The following MAST2 variants were observed in gnomAD, a reference collection of about 807,000 sequenced individuals.
MAST2 encodes the protein microtubule associated serine/threonine kinase 2.
In MAST2, 70 loss-of-function variants were observed where a neutral mutation model predicts 147.4. The observed-to-expected ratio is 0.47, with a 90% CI of 0.39 to 0.58. The LOEUF is 0.58. Among genes scored for constraint, MAST2 ranks in the 20% least tolerant of loss-of-function variants. The pLI is 0.00. For missense variants in MAST2, 2,080 were observed against 2,302.3 expected, an observed-to-expected ratio of 0.90 and a Z score of 1.98; for synonymous variants, 869 against 896.8, an observed-to-expected ratio of 0.97 and a Z score of 0.55.
In MAST2 at chr1:45,875,720, G is replaced by C. The variant is rs556546149; in HGVS notation, c.469-6644G>C. ...TAATGGATGTAGAGAGTGAGAGAAA[G>C]TGAAAAATGAAGAATGACCCTGGGT... is the stretch of plus-strand genomic sequence containing the variant. On this transcript the variant is annotated intron_variant, in intron 3 of 28. Transcript: ENST00000361297. 2.6e-5 allele frequency among the ~76,000 whole-genome samples: 4 copies of C among 152,146 alleles called. No homozygotes were observed. The South Asian group carries it at 8.3e-4, about 32-fold the overall frequency.
At chr1:46,021,806 T>G in intron 11 of MAST2, 144 bp from the exon 12 acceptor site, 2 of 762,256 alleles carry the variant, frequency 2.6e-6, no homozygotes, top group Admixed American at 2.3e-5. Context: ...CTGAATCATG[T>G]TGTTTCTGAA....
intron 12 of MAST2, among the ~76,000 whole-genome samples, chr1:46,022,303 T>C (rs1007340524): frequency 9.9e-5 from 15 of 152,224 alleles, no homozygotes; most frequent in Admixed American, 2.6e-4. Context: ...CTGGATTGCA[T>C]TGGCCCGGCT....
At chr1:45,905,891 G>A (rs1276512780) in intron 4 of MAST2, among the ~76,000 whole-genome samples, 1 of 152,044 alleles carries the variant, frequency 6.6e-6, no homozygotes, top group Non-Finnish European at 1.5e-5. Context: ...TTTCCAAAAT[G>A]TTTATACTGT....
intron 5 of MAST2, among the ~76,000 whole-genome samples, chr1:45,984,279 AG>A (rs983679340): frequency 9.9e-5 from 15 of 151,566 alleles, no homozygotes; most frequent in African/African-American, 3.6e-4. Context: ...TGTCTTTGTG[AG>A]GTTTATTTTA....
chr1:45,967,439 A>C (rs545327785), intron 5 of MAST2, among the ~76,000 whole-genome samples: 67 of 152,324 alleles, frequency 4.4e-4, no homozygotes, highest in Admixed American at 4.4e-3. Context: ...AGCCTTACTG[A>C]TAACATAGTT....
chr1:45,933,456 C>G (rs1161378759), intron 4 of MAST2, among the ~76,000 whole-genome samples: 1 of 151,926 alleles, frequency 6.6e-6, no homozygotes, highest in African/African-American at 2.4e-5. Flanking sequence ...AGTGAGAACT[C>G]TGGCCGGGCA....
chr1:45,933,725 G>A (rs998133820), intron 4 of MAST2, among the ~76,000 whole-genome samples: 7 of 151,912 alleles, frequency 4.6e-5, no homozygotes, highest in Admixed American at 4.6e-4. Flanking sequence ...TTGCACTCTA[G>A]CCTGGGCAAC....
rs576470499 is a variant in MAST2 at position 46,020,100 on chromosome 1, G to A, written c.1290+403G>A. ...TGAATAAAGCACAGTCTCTGATCTT[G>A]GGATGTTTCCTCTACAGTGGAGTTG... On this transcript the variant is annotated intron_variant, in intron 11 of 28. Coordinates refer to ENST00000361297, the MANE Select transcript of MAST2 (RefSeq NM_015112.3). Among the ~76,000 whole-genome samples, 3 of 152,304 alleles carry A rather than the reference G, an allele frequency of 2.0e-5. No individual in the cohort carries two copies. In the East Asian group the frequency reaches 5.8e-4, roughly 29 times the overall value.
At chr1:45,847,386 A>T in intron 3 of MAST2, 1 of 521,708 alleles carries the variant, frequency 1.9e-6, no homozygotes, top group Non-Finnish European at 3.7e-6. Flanking sequence ...GTTAGTTCAC[A>T]AGCATCTTTG....
In MAST2 at chr1:46,030,640, G is replaced by A. The variant is rs559530509; in HGVS notation, c.2587G>A (p.Glu863Lys). The A allele has an allele frequency of 2.5e-5, 40 of 1,611,494 alleles. No individual in the cohort carries two copies. The highest frequency in any genetic ancestry group is 8.4e-5 in the Admixed American group (5 of 59,606). Reference protein sequence around the residue: ...YSSMERLSLLEERRTPPPTKR... With the variant: ...YSSMERLSLLKERRTPPPTKR... Reference sequence around the variant, plus strand: ...CAGCATGGAGCGGCTCTCACTGCTCGAGGAGCGCCGGACACCACCCCCGAC... The same window carrying A: ...CAGCATGGAGCGGCTCTCACTGCTCAAGGAGCGCCGGACACCACCCCCGAC... The change falls in exon 22 of 29, where the codon GAG (glutamate) becomes AAG (lysine). Residue 863 changes from glutamate (E) to lysine (K), a missense_variant. Glu to Lys is a moderately conservative substitution (Grantham distance 56). Transcript: ENST00000361297.
intron 1 of MAST2, among the ~76,000 whole-genome samples, chr1:45,808,315 C>T (rs1644198818): frequency 1.3e-5 from 2 of 152,144 alleles, no homozygotes; most frequent in South Asian, 4.1e-4. Flanking sequence ...ATTGTAACCT[C>T]TGCCTCCCAG....
chr1:45,961,197 A>T (rs920996359), intron 5 of MAST2, among the ~76,000 whole-genome samples: 1 of 152,066 alleles, frequency 6.6e-6, no homozygotes, highest in Non-Finnish European at 1.5e-5. Context: ...GACATACTTG[A>T]CCTTTAAAGC....
intron 1 of MAST2, among the ~76,000 whole-genome samples, chr1:45,811,521 A>G (rs1268206354): frequency 6.7e-6 from 1 of 149,316 alleles, no homozygotes; most frequent in Non-Finnish European, 1.5e-5. Context: ...TTGTATTTTT[A>G]GTAGAGACGG....
chr1:45,933,242 G>T (rs7415720), intron 4 of MAST2, among the ~76,000 whole-genome samples: 5,315 of 144,002 alleles, frequency 0.037, 191 homozygotes, highest in Middle Eastern at 0.078. Flanking sequence ...AAAAAGCGGG[G>T]GGGTTGGGGG....
intron 5 of MAST2, among the ~76,000 whole-genome samples, chr1:45,994,832 C>A (rs1263153387): frequency 6.6e-6 from 1 of 151,396 alleles, no homozygotes; most frequent in Non-Finnish European, 1.5e-5. Context: ...ATAGCCATAT[C>A]TTCCATAATT....
At chr1:45,908,431 G>A (rs1306841837) in intron 4 of MAST2, among the ~76,000 whole-genome samples, 3 of 152,094 alleles carry the variant, frequency 2.0e-5, no homozygotes, top group Non-Finnish European at 4.4e-5. Context: ...AGCTATATAT[G>A]TGCCTCTAAG....
intron 1 of MAST2, among the ~76,000 whole-genome samples, chr1:45,821,894 T>TTTTG (rs1644645117): frequency 7.2e-6 from 1 of 138,068 alleles, no homozygotes; most frequent in African/African-American, 2.8e-5. Context: ...CCTTTTTTTT[T>TTTTG]TTTTTTTTTT....
At chr1:45,942,541 G>T (rs1361217498) in intron 4 of MAST2, among the ~76,000 whole-genome samples, 1 of 152,108 alleles carries the variant, frequency 6.6e-6, no homozygotes, top group Non-Finnish European at 1.5e-5. Flanking sequence ...TTTTAGGTTT[G>T]GGGTACATAT....
intron 15 of MAST2, chr1:46,024,249 T>C: frequency 4.6e-6 from 2 of 436,318 alleles, no homozygotes; most frequent in Non-Finnish European, 8.6e-6. Flanking sequence ...GCACGCTCTC[T>C]ACTGCTGGTA....
Sources: gnomAD v4.1 joint callset for allele counts (sites outside exome capture counted in the v4.1 genomes callset) on GRCh38, gnomAD v4.1.1 for gene constraint, MANE v1.5 for transcripts, NCBI Gene and HGNC (gene_info 2026-07-23, HGNC 2026-07-21) for gene names.